SEMA6D: variants seen among roughly 807,000 people sequenced by gnomAD.
The protein encoded by SEMA6D is semaphorin-6D.
In SEMA6D, 35 loss-of-function variants were observed where a neutral mutation model predicts 106.6. The ratio of observed to expected loss-of-function variants is 0.33; its 90% confidence interval spans 0.25 to 0.44. The LOEUF (loss-of-function observed/expected upper bound fraction) is 0.44. Among genes scored for constraint, SEMA6D ranks in the 20% least tolerant of loss-of-function variants. The pLI, the probability that SEMA6D is intolerant of heterozygous loss-of-function variation, is 1.00. For missense variants in SEMA6D, 1,185 were observed against 1,345.9 expected (o/e 0.88, Z 1.87); for synonymous variants, 499 against 487.7 (o/e 1.02, Z -0.31).
At chr15:47,318,500 A>G (rs12101913) in intron 1 of SEMA6D, among the ~76,000 whole-genome samples, 67,300 of 140,390 alleles carry the variant, frequency 0.48, 16,842 homozygotes, top group Non-Finnish European at 0.56. Context: ...TCCCACCTAT[A>G]AGTGAGAATA....
chr15:47,245,830 A>G (rs1295307087), intron 1 of SEMA6D, among the ~76,000 whole-genome samples: 1 of 152,186 alleles, frequency 6.6e-6, no homozygotes, highest in African/African-American at 2.4e-5. Flanking sequence ...GCAAACACAG[A>G]GAGTAAATAT....
At chr15:47,676,471 G>A (rs1439323150) in intron 4 of SEMA6D, among the ~76,000 whole-genome samples, 3 of 152,130 alleles carry the variant, frequency 2.0e-5, no homozygotes, top group Non-Finnish European at 2.9e-5. Context: ...TACCTCATTG[G>A]TCAACAATTA....
chr15:47,631,729 G>T (rs960172145), intron 4 of SEMA6D, among the ~76,000 whole-genome samples: 4 of 151,928 alleles, frequency 2.6e-5, no homozygotes, highest in Non-Finnish European at 4.4e-5. Flanking sequence ...CCAGAGAGAG[G>T]CCCAGTGAAA....
intron 4 of SEMA6D, among the ~76,000 whole-genome samples, chr15:47,630,130 T>G (rs2077268174): frequency 6.6e-6 from 1 of 151,898 alleles, no homozygotes; most frequent in South Asian, 2.1e-4. Context: ...CTCCATACTG[T>G]TTTCCCTAGT....
chr15:47,507,677 GCA>G (rs2044093929), intron 3 of SEMA6D, among the ~76,000 whole-genome samples: 1 of 152,146 alleles, frequency 6.6e-6, no homozygotes, highest in Non-Finnish European at 1.5e-5. Flanking sequence ...CCAAATATGT[GCA>G]CCATATGTCA....
chr15:47,567,964 G>A (rs1481244183), intron 3 of SEMA6D, among the ~76,000 whole-genome samples: 1 of 152,016 alleles, frequency 6.6e-6, no homozygotes, highest in Non-Finnish European at 1.5e-5. Flanking sequence ...CATGAAATAA[G>A]GTTCTATGTC....
chr15:47,295,319 A>G (rs2035763054), intron 1 of SEMA6D, among the ~76,000 whole-genome samples: 1 of 152,252 alleles, frequency 6.6e-6, no homozygotes, highest in South Asian at 2.1e-4. Context: ...AACATAAGTT[A>G]TTAATCTTAT....
intron 4 of SEMA6D, chr15:47,603,334 T>A (rs2076703638): frequency 6.6e-6 from 1 of 152,120 alleles, no homozygotes; most frequent in Non-Finnish European, 1.5e-5. Flanking sequence ...CCTTTCACAC[T>A]CCTTGCCACT....
At chr15:47,369,436 T>G (rs2039187534) in intron 1 of SEMA6D, among the ~76,000 whole-genome samples, 2 of 152,248 alleles carry the variant, frequency 1.3e-5, no homozygotes, top group Non-Finnish European at 2.9e-5. Context: ...CCCACATCTT[T>G]CCATTATTGC....
intron 1 of SEMA6D, among the ~76,000 whole-genome samples, chr15:47,301,252 G>C (rs1331705769): frequency 6.6e-6 from 1 of 152,182 alleles, no homozygotes; most frequent in Non-Finnish European, 1.5e-5. Context: ...AGGTCAGAAA[G>C]GCAAATAGTG....
chr15:47,202,347 CG>C (rs1894779134), intron 1 of SEMA6D, among the ~76,000 whole-genome samples: 1 of 151,862 alleles, frequency 6.6e-6, no homozygotes, highest in Non-Finnish European at 1.5e-5. Flanking sequence ...AGGAGTTGGG[CG>C]GGTGGCCTCA....
chr15:47,235,306 GA>G (rs1566942839), intron 1 of SEMA6D, among the ~76,000 whole-genome samples: 3 of 151,782 alleles, frequency 2.0e-5, no homozygotes, highest in African/African-American at 4.8e-5. Context: ...TTACTCTGAT[GA>G]TTTTTTTTAT....
At chr15:47,678,673 C>G (rs1444881647) in intron 4 of SEMA6D, among the ~76,000 whole-genome samples, 9 of 151,400 alleles carry the variant, frequency 5.9e-5, no homozygotes, top group Non-Finnish European at 1.5e-5. Flanking sequence ...AGCACATTTT[C>G]TATTCCCCTT....
intron 3 of SEMA6D, among the ~76,000 whole-genome samples, chr15:47,526,149 G>A (rs928422027): frequency 5.9e-5 from 9 of 152,122 alleles, no homozygotes; most frequent in Non-Finnish European, 1.2e-4. Flanking sequence ...CATTCTTGTT[G>A]CTTCCTTCCC....
intron 1 of SEMA6D, among the ~76,000 whole-genome samples, chr15:47,345,478 G>C (rs905827972): frequency 2.0e-5 from 3 of 151,768 alleles, no homozygotes; most frequent in African/African-American, 7.3e-5. Context: ...TTCAACAAAT[G>C]GTGCTGGAAT....
chr15:47,217,964 G>T (rs1212723504), intron 1 of SEMA6D, among the ~76,000 whole-genome samples: 2 of 151,362 alleles, frequency 1.3e-5, no homozygotes, highest in African/African-American at 4.9e-5. Context: ...CTATAAGGAA[G>T]GTATCACTTT....
chr15:47,552,967 C>T (rs2045804516), intron 3 of SEMA6D, among the ~76,000 whole-genome samples: 3 of 138,588 alleles, frequency 2.2e-5, no homozygotes, highest in South Asian at 2.3e-4. Flanking sequence ...GTAGTAACCT[C>T]GATCTTGGCT....
intron 1 of SEMA6D, among the ~76,000 whole-genome samples, chr15:47,262,189 C>T (rs994082992): frequency 1.6e-4 from 24 of 151,992 alleles, no homozygotes; most frequent in African/African-American, 5.3e-4. Flanking sequence ...TCAGAGATGA[C>T]ACAAACAAAT....
At chr15:47,644,421 C>T (rs960079291) in intron 4 of SEMA6D, among the ~76,000 whole-genome samples, 8 of 152,192 alleles carry the variant, frequency 5.3e-5, no homozygotes, top group African/African-American at 1.9e-4. Context: ...GCAATTAATT[C>T]TAGCTTTCTG....
Sources: allele counts gnomAD v4.1 joint callset (sites outside exome capture counted in the v4.1 genomes callset), GRCh38; gene constraint gnomAD v4.1.1; transcripts MANE v1.5; gene names NCBI Gene and HGNC (gene_info 2026-07-23, HGNC 2026-07-21).